The following N4BP3 variants were observed in gnomAD, a reference collection of about 807,000 sequenced individuals.
N4BP3 encodes the protein NEDD4-binding protein 3.
N4BP3 carries 33 observed loss-of-function variants against 43.8 expected under a neutral mutation model. That is an observed-to-expected ratio of 0.75 (90% CI 0.57 to 1.01). N4BP3 has a LOEUF of 1.01. Among genes scored for constraint, N4BP3 ranks in the 50% least tolerant of loss-of-function variants. The pLI is 0.00. For synonymous variants in N4BP3, 326 were observed against 321.9 expected (o/e 1.01, Z -0.14); for missense variants, 756 against 744.2 (o/e 1.02, Z -0.18).
Position 178,117,638 on chromosome 5 carries a change from A to AAAAAAAAAG in N4BP3, c.-30-1916_-30-1915insAAAAAAAAG, listed in dbSNP as rs148196961. ...GTCTCAAAAAAAAAAAAAAAAAAAA[A>AAAAAAAAAG]GAAGGGACAATAACTCTGTCACAGG... On this transcript the variant is annotated intron_variant, in intron 1 of 4. Coordinates refer to ENST00000274605, the MANE Select transcript of N4BP3 (RefSeq NM_015111.2). Among the ~76,000 whole-genome samples the AAAAAAAAAG allele has an allele frequency of 2.8e-5, 3 of 108,380 alleles. 1 individual carries two copies. The highest frequency in any genetic ancestry group is 1.8e-5 in the Non-Finnish European group (1 of 54,626). The allele number at this position is 108,380 out of a possible 152,430, so 71.1% of individuals were successfully genotyped here.
At chr5:178,126,773 A>G (rs1758073334), downstream of N4BP3, among the ~76,000 whole-genome samples, 1 of 152,198 alleles carries the variant, frequency 6.6e-6, no homozygotes, top group Non-Finnish European at 1.5e-5. Flanking sequence ...AGGAAAGGAT[A>G]CTGAAGGTGA....
At position 178,121,641 on chromosome 5, in the gene N4BP3, T is replaced by G; in HGVS notation, c.1275T>G (p.Ala425=). Residue 425 remains alanine (A), a synonymous_variant, in exon 5 of 5, where the codon GCT becomes GCG. Coordinates refer to ENST00000274605, the MANE Select transcript of N4BP3 (RefSeq NM_015111.2). ...CAGAGCTGGTCCGGCTGCGCGAGGC[T>G]GTGCGCAGCCTGCAGGAGCAGGCCC... ...QDAELVRLRE[A]VRSLQEQAPR... is the part of the protein sequence containing the mutation. 1 of 1,612,638 alleles carries G rather than the reference T, an allele frequency of 6.2e-7. No individual in the cohort carries two copies. Among genetic ancestry groups the G allele is most frequent in the Non-Finnish European group, 8.5e-7 (1 of 1,179,836 alleles).
intron 1 of N4BP3, among the ~76,000 whole-genome samples, chr5:178,116,078 C>T (rs974061351): frequency 5.3e-5 from 8 of 152,210 alleles, no homozygotes; most frequent in Admixed American, 2.0e-4. Flanking sequence ...CTTCTCTCCA[C>T]GACCCGTGCA....
chr5:178,121,655 A>G lies in N4BP3; in HGVS notation c.1289A>G (p.Gln430Arg). ...VRLREAVRSL[Q>R]EQAPREEAPG... Reference sequence around the variant, plus strand: ...CTGCGCGAGGCTGTGCGCAGCCTGCAGGAGCAGGCCCCTCGGGAGGAAGCC... The same window carrying G: ...CTGCGCGAGGCTGTGCGCAGCCTGCGGGAGCAGGCCCCTCGGGAGGAAGCC... Residue 430 changes from glutamine to arginine, a missense_variant, in exon 5 of 5, where the codon CAG becomes CGG. Transcript: ENST00000274605. 1.2e-5 allele frequency: 19 copies of G among 1,612,418 alleles called. No homozygotes were observed. Among genetic ancestry groups the G allele is most frequent in the Non-Finnish European group, 1.6e-5 (19 of 1,179,850 alleles).
chr5:178,116,963 C>G (rs1438180313), intron 1 of N4BP3, among the ~76,000 whole-genome samples: 1 of 152,148 alleles, frequency 6.6e-6, no homozygotes, highest in Non-Finnish European at 1.5e-5. Flanking sequence ...GGGTCTTTCC[C>G]ACTTCATTTT....
At position 178,121,549 on chromosome 5, in the gene N4BP3, C is replaced by T; in HGVS notation, c.1183C>T (p.Leu395=). The T allele has an allele frequency of 1.2e-6, 2 of 1,613,780 alleles. No individual in the cohort carries two copies. The highest frequency in any genetic ancestry group is 2.2e-5 in the South Asian group (2 of 91,090). The change falls in exon 5 of 5, where the codon CTG becomes TTG. Residue 395 remains leucine (L), a synonymous_variant. Coordinates refer to ENST00000274605, the MANE Select transcript of N4BP3 (RefSeq NM_015111.2). ...REAQAELAQK[L]AEIFSLKTQL... ...AGCCCAGGCGGAACTGGCCCAGAAG[C>T]TGGCGGAGATCTTCAGTCTGAAGAC... is the stretch of plus-strand genomic sequence containing the variant.
Position 178,119,683 on chromosome 5 carries a change from G to T in N4BP3, c.100G>T (p.Ala34Ser). 6.2e-7 allele frequency: 1 copy of T among 1,611,404 alleles called. No individual in the cohort carries two copies. The highest frequency in any genetic ancestry group is 1.3e-5 in the African/African-American group (1 of 75,018). ...FSPEELRAAL[A>S]GSRGSRQPDG... ...CCCTGAAGAGCTGCGGGCGGCACTT[G>T]CCGGGTCTCGGGGCTCCCGCCAGCC... The change falls in exon 2 of 5, where the codon GCC (alanine) becomes TCC (serine). Residue 34 changes from alanine to serine, a missense_variant. Ala to Ser is a moderately conservative substitution (Grantham distance 99). Transcript: ENST00000274605.
At chr5:178,120,020 C>T (rs1313107365) in intron 2 of N4BP3, 107 bp downstream of exon 2, 31 of 1,469,620 alleles carry the variant, frequency 2.1e-5, no homozygotes, top group African/African-American at 8.5e-5. Context: ...ATACGAAAAT[C>T]GTGCTATGGG....
Position 178,119,572 on chromosome 5 carries a change from T to C in N4BP3, c.-12T>C. On this transcript the variant is annotated 5_prime_UTR_variant, in exon 2 of 5. Coordinates refer to ENST00000274605, the MANE Select transcript of N4BP3 (RefSeq NM_015111.2). The stretch of plus-strand genomic sequence containing the variant: ...TTCCCAGAAGCAGCTGCCTGTACCC[T>C]GTTGAAACTTCATGGCCACAGCCCC... The C allele has an allele frequency of 2.0e-6, 3 of 1,523,966 alleles. No individual in the cohort carries two copies. Among genetic ancestry groups the C allele is most frequent in the Non-Finnish European group, 2.6e-6 (3 of 1,137,148 alleles). 94.4% of individuals were successfully genotyped at this position (1,523,966 alleles called of 1,614,324 possible).
intron 1 of N4BP3, among the ~76,000 whole-genome samples, chr5:178,119,027 G>A (rs559766057): frequency 1.9e-3 from 288 of 152,142 alleles, no homozygotes; most frequent in Admixed American, 3.5e-3. Context: ...CACCATGCCC[G>A]GCTAGTTTTT....
chr5:178,115,284 G>A (rs1757746808), intron 1 of N4BP3, among the ~76,000 whole-genome samples: 1 of 152,214 alleles, frequency 6.6e-6, no homozygotes, highest in Admixed American at 6.5e-5. Flanking sequence ...GTCTGTCACA[G>A]AGGGGATGGG....
At chr5:178,114,145 C>CG (rs1757714930) in intron 1 of N4BP3, among the ~76,000 whole-genome samples, 1 of 152,202 alleles carries the variant, frequency 6.6e-6, no homozygotes, top group Non-Finnish European at 1.5e-5. Flanking sequence ...CTCCGCCCCC[C>CG]GGCCCAGCCG....
Position 178,125,985 on chromosome 5 carries a change from T to C in N4BP3, c.*3984T>C, listed in dbSNP as rs1012418065. On this transcript the variant is annotated 3_prime_UTR_variant, in exon 5 of 5. Transcript: ENST00000274605. ...CAAAGTAGCAAGAAAAATACGACAT[T>C]GGTGTAAAAATAATCTACACCTCAT... 2.0e-5 allele frequency: 3 copies of C among 151,682 alleles called. No homozygotes were observed. Among genetic ancestry groups the C allele is most frequent in the Non-Finnish European group, 2.9e-5 (2 of 67,914 alleles). The allele number at this position is 151,682 out of a possible 1,614,324, so 9.4% of individuals were successfully genotyped here.
At chr5:178,115,759 A>G (rs2113282775) in intron 1 of N4BP3, among the ~76,000 whole-genome samples, 1 of 152,248 alleles carries the variant, frequency 6.6e-6, no homozygotes, top group Admixed American at 6.5e-5. Context: ...GCCCCCCTCA[A>G]AGAAAGCGCG....
At position 178,121,278 on chromosome 5, in the gene N4BP3, C is replaced by T. The variant is rs867794392; in HGVS notation, c.1033C>T (p.Pro345Ser). Residue 345 changes from proline to serine, a missense_variant, in exon 4 of 5, where the codon CCG (proline) becomes TCG (serine). Transcript: ENST00000274605. ...KELRAQQGLA[P>S]EPRAPGTLPE... ...GCTGCGGGCTCAGCAGGGCCTGGCT[C>T]CGGAGCCTCGGGCCCCCGGCACCCT... The T allele has an allele frequency of 6.2e-7, 1 of 1,606,294 alleles. No individual in the cohort carries two copies. Among genetic ancestry groups the T allele is most frequent in the Admixed American group, 1.7e-5 (1 of 59,454 alleles).
At chr5:178,120,122 G>C in intron 2 of N4BP3, 56 bp from the exon 3 acceptor site, 1 of 1,520,468 alleles carries the variant, frequency 6.6e-7, no homozygotes. Flanking sequence ...TCAGGAGGTA[G>C]AGCAGGCAGC....
At position 178,118,762 on chromosome 5, in the gene N4BP3, G is replaced by A. The variant is rs1189463875; in HGVS notation, c.-30-792G>A. 6.6e-6 allele frequency among the ~76,000 whole-genome samples: 1 copy of A among 152,166 alleles called. No homozygotes were observed. The highest frequency in any genetic ancestry group is 1.5e-5 in the Non-Finnish European group (1 of 68,022). On this transcript the variant is annotated intron_variant, in intron 1 of 4. Transcript: ENST00000274605. The surrounding 1 kb of genome is among the most constrained non-coding windows in gnomAD (Gnocchi z 5.4). ...GGTTACCCCTCTCCCATGGGAAGGA[G>A]GGTCTCACTGGCCTTGGGTCTCTGT...
At chr5:178,114,112 TG>T (rs1757713506) in intron 1 of N4BP3, among the ~76,000 whole-genome samples, 1 of 152,044 alleles carries the variant, frequency 6.6e-6, no homozygotes, top group African/African-American at 2.4e-5. Context: ...CAGGCGTCCT[TG>T]GCGCCGGCGT....
At chr5:178,117,765 CAG>C (rs773654623) in intron 1 of N4BP3, among the ~76,000 whole-genome samples, 11 of 148,488 alleles carry the variant, frequency 7.4e-5, no homozygotes, top group Non-Finnish European at 1.2e-4. Flanking sequence ...CGTGCGTTCT[CAG>C]GGGCTGGGCT....
Sources: gnomAD v4.1 joint callset for allele counts (sites outside exome capture counted in the v4.1 genomes callset) on GRCh38, gnomAD v4.1.1 for gene constraint, Gnocchi (gnomAD v3.1) non-coding constraint, MANE v1.5 for transcripts, NCBI Gene and HGNC (gene_info 2026-07-23, HGNC 2026-07-21) for gene names.